SH3GL2: variants seen among roughly 807,000 people sequenced by gnomAD.
The protein encoded by SH3GL2 is SH3 domain containing GRB2 like 2, endophilin A1.
Under a neutral mutation model 46.0 loss-of-function variants are expected in SH3GL2, and 24 were observed. That is an observed-to-expected ratio of 0.52 (90% confidence interval 0.38 to 0.73). The LOEUF (loss-of-function observed/expected upper bound fraction) is 0.73. SH3GL2 is among the 30% of genes least tolerant of loss of function. The pLI is 0.00. For synonymous variants in SH3GL2, 196 were observed against 147.1 expected (o/e 1.33, Z -2.40); for missense variants, 413 against 424.2 (o/e 0.97, Z 0.23).
chr9:17,697,618 C>G (rs549170816), intron 1 of SH3GL2, among the ~76,000 whole-genome samples: 1 of 152,274 alleles, frequency 6.6e-6, no homozygotes, highest in South Asian at 2.1e-4. Context: ...CATGTTTAGT[C>G]TTTTGTCTTA....
chr9:17,794,521 C>G (rs745992263), intron 8 of SH3GL2, among the ~76,000 whole-genome samples: 27 of 152,156 alleles, frequency 1.8e-4, no homozygotes, highest in Admixed American at 1.3e-3. Context: ...CTATGCTTCT[C>G]CCTGTCTGAA....
intron 1 of SH3GL2, among the ~76,000 whole-genome samples, chr9:17,610,080 ACT>A (rs952533449): frequency 6.6e-6 from 1 of 152,096 alleles, no homozygotes; most frequent in African/African-American, 2.4e-5. Context: ...TGCAGTTTTA[ACT>A]CTGTGAGTCT....
At chr9:17,724,425 C>T (rs1346832759) in intron 1 of SH3GL2, among the ~76,000 whole-genome samples, 2 of 152,050 alleles carry the variant, frequency 1.3e-5, no homozygotes, top group Non-Finnish European at 2.9e-5. Flanking sequence ...TCCCTTAGTT[C>T]TTTGGACATA....
chr9:17,727,067 A>G (rs10756907), intron 1 of SH3GL2, among the ~76,000 whole-genome samples: 28,386 of 152,082 alleles, frequency 0.19, 3,353 homozygotes, highest in East Asian at 0.38. Flanking sequence ...CCAAATAGGT[A>G]TCAGTGGGGA....
At chr9:17,739,845 TG>T (rs1260114194) in intron 1 of SH3GL2, among the ~76,000 whole-genome samples, 1 of 152,036 alleles carries the variant, frequency 6.6e-6, no homozygotes, top group East Asian at 1.9e-4. Flanking sequence ...CTCGGGGAAA[TG>T]GGGCTGAGAA....
intron 1 of SH3GL2, among the ~76,000 whole-genome samples, chr9:17,615,525 G>A (rs1377316957): frequency 2.0e-5 from 3 of 151,772 alleles, no homozygotes; most frequent in Non-Finnish European, 4.4e-5. Context: ...CGTGGCAGCG[G>A]GCGCCTGTAA....
intron 2 of SH3GL2, among the ~76,000 whole-genome samples, chr9:17,754,278 C>A (rs1341725965): frequency 1.3e-5 from 2 of 152,160 alleles, no homozygotes; most frequent in African/African-American, 4.8e-5. Context: ...GCAGTATGGC[C>A]ATTTTGATGA....
chr9:17,596,153 T>C (rs1247821489), intron 1 of SH3GL2, among the ~76,000 whole-genome samples: 2 of 152,178 alleles, frequency 1.3e-5, no homozygotes, highest in Non-Finnish European at 2.9e-5. Flanking sequence ...GTCAGTTTGC[T>C]TCATTAGGCA....
intron 1 of SH3GL2, among the ~76,000 whole-genome samples, chr9:17,712,643 A>G (rs1260561062): frequency 6.6e-6 from 1 of 151,868 alleles, no homozygotes; most frequent in African/African-American, 2.4e-5. Flanking sequence ...TTTCTAGATT[A>G]TTTATTCTGT....
chr9:17,737,870 A>C (rs1197984187), intron 1 of SH3GL2, among the ~76,000 whole-genome samples: 1 of 151,956 alleles, frequency 6.6e-6, no homozygotes, highest in Admixed American at 6.6e-5. Context: ...GCTTTTTGTC[A>C]TGTAGGAACT....
At chr9:17,782,907 T>C (rs1283634003) in intron 3 of SH3GL2, among the ~76,000 whole-genome samples, 2 of 152,092 alleles carry the variant, frequency 1.3e-5, no homozygotes, top group African/African-American at 4.8e-5. Flanking sequence ...CTGCTTCAAC[T>C]TCACCTCCCA....
At chr9:17,619,522 A>G (rs772692053) in intron 1 of SH3GL2, among the ~76,000 whole-genome samples, 1 of 152,110 alleles carries the variant, frequency 6.6e-6, no homozygotes, top group African/African-American at 2.4e-5. Flanking sequence ...TACTAAAAAT[A>G]CAAAAATTAG....
chr9:17,615,095 C>G (rs1206996644), intron 1 of SH3GL2, among the ~76,000 whole-genome samples: 1 of 152,148 alleles, frequency 6.6e-6, no homozygotes, highest in East Asian at 1.9e-4. Flanking sequence ...TGTGTGCTGC[C>G]TACTCCCAGG....
chr9:17,655,647 GTGGT>G (rs1457570829), intron 1 of SH3GL2, among the ~76,000 whole-genome samples: 1 of 152,148 alleles, frequency 6.6e-6, no homozygotes, highest in African/African-American at 2.4e-5. Flanking sequence ...TTTTGAAATG[GTGGT>G]TGAAGAACCT....
intron 1 of SH3GL2, among the ~76,000 whole-genome samples, chr9:17,664,236 A>G (rs543093097): frequency 7.9e-5 from 12 of 152,294 alleles, no homozygotes; most frequent in East Asian, 5.8e-4. Context: ...CATTTGGGTA[A>G]AAATGAATTC....
At chr9:17,722,675 T>A (rs1054655243) in intron 1 of SH3GL2, among the ~76,000 whole-genome samples, 1 of 152,100 alleles carries the variant, frequency 6.6e-6, no homozygotes, top group East Asian at 1.9e-4. Context: ...TTCCTCTATT[T>A]ACCAAATAGC....
chr9:17,582,307 C>T (rs182639844), intron 1 of SH3GL2, among the ~76,000 whole-genome samples: 104 of 151,972 alleles, frequency 6.8e-4, no homozygotes, highest in African/African-American at 2.4e-3. Flanking sequence ...TTTTCATGTA[C>T]TTCATTACTT....
chr9:17,586,983 G>T (rs1818389533), intron 1 of SH3GL2, among the ~76,000 whole-genome samples: 2 of 152,190 alleles, frequency 1.3e-5, no homozygotes, highest in Admixed American at 1.3e-4. Context: ...GAGGCAGGCA[G>T]ATCACTTGAG....
chr9:17,613,954 G>T (rs2134585915), intron 1 of SH3GL2, among the ~76,000 whole-genome samples: 1 of 152,194 alleles, frequency 6.6e-6, no homozygotes, highest in African/African-American at 2.4e-5. Flanking sequence ...GACAATACTG[G>T]AGATCTTGTG....
Sources: allele counts gnomAD v4.1 joint callset (sites outside exome capture counted in the v4.1 genomes callset), GRCh38; gene constraint gnomAD v4.1.1; transcripts MANE v1.5; gene names NCBI Gene and HGNC (gene_info 2026-07-23, HGNC 2026-07-21).